Variants in ABL2 observed in about 807,000 individuals in gnomAD.
The protein encoded by ABL2 is tyrosine-protein kinase ABL2.
A neutral mutation model predicts 107.7 loss-of-function variants in ABL2; 49 were observed. That is an observed-to-expected ratio of 0.45 (90% confidence interval 0.36 to 0.58). The LOEUF (loss-of-function observed/expected upper bound fraction) is 0.58. Ranked by LOEUF, ABL2 falls within the 20% of genes least tolerant of loss-of-function variation. The pLI is 0.00. For missense variants in ABL2, 1,245 were observed against 1,457.0 expected (o/e 0.85, Z 2.37); for synonymous variants, 549 against 548.6 (o/e 1.00, Z -0.01).
At chr1:179,167,120 T>C (rs1385250988) in intron 1 of ABL2, among the ~76,000 whole-genome samples, 1 of 152,214 alleles carries the variant, frequency 6.6e-6, no homozygotes, top group African/African-American at 2.4e-5. Flanking sequence ...TTCAGCATTA[T>C]ACACAATAGG....
intron 1 of ABL2, among the ~76,000 whole-genome samples, chr1:179,195,073 A>C (rs1661228873): frequency 6.6e-6 from 1 of 152,130 alleles, no homozygotes; most frequent in South Asian, 2.1e-4. Flanking sequence ...GGATTACCTG[A>C]GGTCAGGAGT....
intron 1 of ABL2, among the ~76,000 whole-genome samples, chr1:179,200,249 G>A (rs1461089610): frequency 6.6e-6 from 1 of 151,690 alleles, no homozygotes; most frequent in Admixed American, 6.6e-5. Context: ...GTTTTGCCAT[G>A]TTGGCCAGAC....
intron 1 of ABL2, among the ~76,000 whole-genome samples, chr1:179,206,318 G>A (rs1164077913): frequency 6.6e-6 from 1 of 152,096 alleles, no homozygotes; most frequent in Non-Finnish European, 1.5e-5. Context: ...TGGTTATTCT[G>A]AAATCCCCAC....
chr1:179,123,437 G>A (rs1264841572), intron 4 of ABL2, among the ~76,000 whole-genome samples: 1 of 152,064 alleles, frequency 6.6e-6, no homozygotes, highest in Non-Finnish European at 1.5e-5. Context: ...CCTGGGAGGT[G>A]GAGGTTGCAG....
At position 179,131,491 on chromosome 1, in the gene ABL2, A is replaced by G. The variant is rs558301337; in HGVS notation, c.221-10T>C. Reference sequence around the variant, plus strand: ...GGACGATGCAAAGCTTCTGAAAGACATAAGAAGGGAAGGGAATTCACGGTG... The same window carrying G: ...GGACGATGCAAAGCTTCTGAAAGACGTAAGAAGGGAAGGGAATTCACGGTG... On this transcript the variant is annotated splice_polypyrimidine_tract_variant and intron_variant, in intron 2 of 11. Coordinates refer to ENST00000502732, the MANE Select transcript of ABL2 (RefSeq NM_007314.4). The G allele has an allele frequency of 6.2e-6, 10 of 1,612,386 alleles. No individual in the cohort carries two copies. The Admixed American group carries it at 1.0e-4, about 16-fold the overall frequency.
intron 1 of ABL2, among the ~76,000 whole-genome samples, chr1:179,222,510 C>T (rs113411890): frequency 0.058 from 8,767 of 152,102 alleles, 285 homozygotes; most frequent in South Asian, 0.15. Context: ...CCTGCCTCAG[C>T]CTCTTGAGTA....
intron 1 of ABL2, among the ~76,000 whole-genome samples, chr1:179,134,119 ATTC>A (rs1408680212): frequency 6.6e-6 from 1 of 152,248 alleles, no homozygotes; most frequent in Non-Finnish European, 1.5e-5. Flanking sequence ...CTGGAATGGT[ATTC>A]TTCTCCTACC....
At chr1:179,142,912 A>G in intron 1 of ABL2, 4 of 1,610,126 alleles carry the variant, frequency 2.5e-6, no homozygotes, top group Non-Finnish European at 3.4e-6. Flanking sequence ...CCTCCCTGAA[A>G]CTATCAACTC....
chr1:179,226,213 T>A (rs1218058507), intron 1 of ABL2, among the ~76,000 whole-genome samples: 2 of 151,992 alleles, frequency 1.3e-5, no homozygotes, highest in African/African-American at 4.8e-5. Flanking sequence ...ATTCCCATTT[T>A]TTCAATCAGC....
Position 179,102,379 on chromosome 1 carries a change from TA to T in ABL2, c.*5338del, listed in dbSNP as rs1298310458. ...CAAATGATATAGATATCTTGACTGT[TA>T]AGAGTTGGAGACGTTTCAGAAGTTC... On this transcript the variant is annotated 3_prime_UTR_variant, in exon 12 of 12. Transcript: ENST00000502732. 2.4e-5 allele frequency: 5 copies of T among 212,216 alleles called. No homozygotes were observed. In the Admixed American group the frequency reaches 2.9e-4, roughly 12 times the overall value. The allele number at this position is 212,216 out of a possible 1,614,324, so 13.1% of individuals were successfully genotyped here.
chr1:179,128,215 CAA>C (rs1655928608), intron 3 of ABL2, among the ~76,000 whole-genome samples: 1 of 151,700 alleles, frequency 6.6e-6, no homozygotes, highest in Non-Finnish European at 1.5e-5. Flanking sequence ...AGAAAAAACA[CAA>C]GAGTATATGT....
At chr1:179,201,835 CAGA>C (rs1353473475) in intron 1 of ABL2, 3 of 1,208,952 alleles carry the variant, frequency 2.5e-6, no homozygotes, top group African/African-American at 1.5e-5. Flanking sequence ...AACATGGTGA[CAGA>C]AGAAGACAAA....
intron 1 of ABL2, among the ~76,000 whole-genome samples, chr1:179,154,420 A>T (rs1054062675): frequency 6.6e-6 from 1 of 152,234 alleles, no homozygotes; most frequent in East Asian, 1.9e-4. Flanking sequence ...TCAAGGAAAT[A>T]GAGGACTTGC....
intron 7 of ABL2, 60 bp from the exon 8 acceptor site, chr1:179,117,576 C>T: frequency 6.4e-7 from 1 of 1,568,912 alleles, no homozygotes; most frequent in Non-Finnish European, 8.7e-7. Flanking sequence ...TGGTCATGAA[C>T]ACTCTATTCT....
Position 179,100,713 on chromosome 1 carries a change from C to T in ABL2, c.*7005G>A, listed in dbSNP as rs904860301. The T allele has an allele frequency of 8.7e-6, 2 of 229,430 alleles. No homozygotes were observed. The highest frequency in any genetic ancestry group is 6.2e-5 in the East Asian group (1 of 16,086). The allele number at this position is 229,430 out of a possible 1,614,324, so 14.2% of individuals were successfully genotyped here. A position where few individuals can be genotyped will look rare whatever the true frequency, so the allele number is the denominator to read the frequency against. On this transcript the variant is annotated 3_prime_UTR_variant, in exon 12 of 12. Coordinates refer to ENST00000502732, the MANE Select transcript of ABL2 (RefSeq NM_007314.4). ...GTAGGACCCTGAAAATTTGCTGATG[C>T]GAGTACAGTGATGAACAAAGAACCT...
intron 1 of ABL2, among the ~76,000 whole-genome samples, chr1:179,220,493 C>T (rs1366549428): frequency 6.6e-6 from 1 of 152,154 alleles, no homozygotes; most frequent in Non-Finnish European, 1.5e-5. Context: ...CTTGTTTAGG[C>T]GATGGTCACT....
At chr1:179,140,217 G>A (rs1438591304) in intron 1 of ABL2, among the ~76,000 whole-genome samples, 1 of 152,066 alleles carries the variant, frequency 6.6e-6, no homozygotes, top group Non-Finnish European at 1.5e-5. Flanking sequence ...CCTTATTCTG[G>A]CCACTGACAT....
intron 4 of ABL2, among the ~76,000 whole-genome samples, 186 bp from the exon 5 acceptor site, chr1:179,122,053 A>C (rs1194462990): frequency 6.8e-6 from 1 of 147,134 alleles, no homozygotes; most frequent in Non-Finnish European, 1.5e-5. Context: ...AGCCTCTCTG[A>C]GTAGGTGGGA....
chr1:179,198,621 G>A (rs1349137649), intron 1 of ABL2, among the ~76,000 whole-genome samples: 5 of 146,672 alleles, frequency 3.4e-5, no homozygotes, highest in Admixed American at 3.4e-4. Flanking sequence ...GGAACCAGGG[G>A]GGCAGAGGCT....
Sources: gnomAD v4.1 joint callset for allele counts (sites outside exome capture counted in the v4.1 genomes callset) on GRCh38, gnomAD v4.1.1 for gene constraint, MANE v1.5 for transcripts, NCBI Gene and HGNC (gene_info 2026-07-23, HGNC 2026-07-21) for gene names.